Variants in ACOT1 observed in about 807,000 individuals in gnomAD.
The protein encoded by ACOT1 is acyl-coenzyme A thioesterase 1.
Under a neutral mutation model 15.7 loss-of-function variants are expected in ACOT1, and 8 were observed. The ratio of observed to expected loss-of-function variants is 0.51; its 90% confidence interval spans 0.30 to 0.92. ACOT1 has a LOEUF of 0.92. Ranked by LOEUF, ACOT1 falls within the 40% of genes least tolerant of loss-of-function variation. The pLI is 0.06. For missense variants in ACOT1, 151 were observed against 539.4 expected, an observed-to-expected ratio of 0.28 and a Z score of 7.13; for synonymous variants, 67 against 241.2, an observed-to-expected ratio of 0.28 and a Z score of 6.69.
chr14:73,522,915 G>A, the ACOT1 span: 2 of 1,614,200 alleles, frequency 1.2e-6, no homozygotes, highest in African/African-American at 1.3e-5. Context: ...AGGCCTCGCT[G>A]CCACACCACC....
In ACOT1 at chr14:73,538,211, C is replaced by G. The variant is rs1353356589; in HGVS notation, c.457+333C>G. On this transcript the variant is annotated intron_variant, in intron 1 of 2. Coordinates refer to ENST00000311148, the MANE Select transcript of ACOT1 (RefSeq NM_001037161.2). ...TACGGAGAAAGGATGTAGCTTCCAA[C>G]ATTCCGGAGGTTAGTGTAAGGAGAC... Among the ~76,000 whole-genome samples, 2 of 114,216 alleles carry G rather than the reference C, an allele frequency of 1.8e-5. 1 individual carries two copies. The highest frequency in any genetic ancestry group is 3.8e-5 in the Non-Finnish European group (2 of 52,586). The allele number at this position is 114,216 out of a possible 152,430, so 74.9% of individuals were successfully genotyped here.
At chr14:73,514,248 CA>C in the ACOT1 span, 1 of 1,611,568 alleles carries the variant, frequency 6.2e-7, no homozygotes, top group Non-Finnish European at 8.5e-7. Flanking sequence ...TGCAACGTGG[CA>C]GTGTGAGGTC....
At chr14:73,520,907 T>G in the ACOT1 span, 1 of 1,613,980 alleles carries the variant, frequency 6.2e-7, no homozygotes, top group Non-Finnish European at 8.5e-7. Flanking sequence ...ACTTTCCAGC[T>G]CGGGGAGTCA....
the ACOT1 span, chr14:73,509,365 A>G: frequency 1.2e-6 from 2 of 1,614,110 alleles, no homozygotes; most frequent in Non-Finnish European, 1.7e-6. Flanking sequence ...ATGTGACTGT[A>G]TGGCATATTG....
the ACOT1 span, chr14:73,506,546 A>C: frequency 1.9e-6 from 3 of 1,613,726 alleles, no homozygotes; most frequent in Non-Finnish European, 2.5e-6. Flanking sequence ...GTTCAGCTCC[A>C]CAGCAAGCAT....
At chr14:73,522,233 G>A in the ACOT1 span, 8 of 1,585,556 alleles carry the variant, frequency 5.0e-6, no homozygotes, top group African/African-American at 6.7e-5. Context: ...GGGGAGTCAG[G>A]GATTATCAAA....
the ACOT1 span, chr14:73,492,110 C>T: frequency 6.2e-7 from 1 of 1,613,924 alleles, no homozygotes; most frequent in South Asian, 1.1e-5. This position sits in a 1 kb window ranked among gnomAD's most constrained non-coding sequence, Gnocchi z 4.9. Flanking sequence ...ACCCCGAGTC[C>T]CAACCGAGGA....
At chr14:73,536,304 G>GA (rs555784262), upstream of ACOT1, among the ~76,000 whole-genome samples, 10,814 of 99,550 alleles carry the variant, frequency 0.11, 2,892 homozygotes, top group African/African-American at 0.27. Context: ...TAAGTTTGAT[G>GA]AAAAAAAAAA....
chr14:73,543,012 G>C lies in ACOT1; in HGVS notation c.661-38G>C, dbSNP rs760713349. The C allele has an allele frequency of 7.2e-6, 9 of 1,243,940 alleles. 3 individuals carry two copies. Among genetic ancestry groups the C allele is most frequent in the Admixed American group, 7.2e-5 (3 of 41,688 alleles). 77.1% of individuals were successfully genotyped at this position (1,243,940 alleles called of 1,614,324 possible). A position where few individuals can be genotyped will look rare whatever the true frequency, so the allele number is the denominator to read the frequency against. Reference sequence around the variant, plus strand: ...AACTCACCATATTCCACTGTTTGTGGAGCCATTCTTCTTCTTTTTCCTTTG... The same window carrying C: ...AACTCACCATATTCCACTGTTTGTGCAGCCATTCTTCTTCTTTTTCCTTTG... On this transcript the variant is annotated intron_variant, in intron 2 of 2. Transcript: ENST00000311148.
At chr14:73,491,783 G>T in the ACOT1 span, 1 of 1,580,502 alleles carries the variant, frequency 6.3e-7, no homozygotes. Context: ...CAACGAGGAG[G>T]TGCAGTTCGG....
the ACOT1 span, chr14:73,522,663 G>A: frequency 5.0e-6 from 8 of 1,614,128 alleles, no homozygotes; most frequent in East Asian, 8.9e-5. Flanking sequence ...TGATGGATGA[G>A]AGGGCGGGGT....
At chr14:73,512,097 G>T in the ACOT1 span, 1 of 1,614,124 alleles carries the variant, frequency 6.2e-7, no homozygotes, top group Non-Finnish European at 8.5e-7. Context: ...CATCATGCAG[G>T]TCTCCCAAGC....
chr14:73,523,407 G>A, the ACOT1 span, among the ~76,000 whole-genome samples: 8 of 152,178 alleles, frequency 5.3e-5, no homozygotes, highest in Admixed American at 3.9e-4. Context: ...TATCAGACCC[G>A]TGTTTTTGGT....
chr14:73,530,056 A>G, the ACOT1 span: 4 of 135,658 alleles, frequency 2.9e-5, no homozygotes, highest in Non-Finnish European at 6.4e-5. Flanking sequence ...CTTGCCTCCC[A>G]GGCTCAAGCA....
intron 1 of ACOT1, among the ~76,000 whole-genome samples, chr14:73,538,760 G>C (rs1228260074): frequency 8.8e-6 from 1 of 113,938 alleles, no homozygotes; most frequent in Non-Finnish European, 1.9e-5. Context: ...GGCGGATCAA[G>C]AGTTCGAGAC....
chr14:73,520,429 T>G, the ACOT1 span: 1 of 158,010 alleles, frequency 6.3e-6, no homozygotes, highest in Admixed American at 6.4e-5. Flanking sequence ...AAAAAAATAC[T>G]GAGCCAGGAT....
At chr14:73,510,358 G>T in the ACOT1 span, among the ~76,000 whole-genome samples, 1 of 152,044 alleles carries the variant, frequency 6.6e-6, no homozygotes, top group African/African-American at 2.4e-5. Context: ...GGCACCAGAA[G>T]AATATGGGAC....
rs534030995 is a variant in ACOT1, at chr14:73,542,978, G to T, written c.661-72G>T. 39 of 1,221,716 alleles carry T rather than the reference G, an allele frequency of 3.2e-5. 9 individuals carry two copies. The African/African-American group carries it at 6.2e-4, about 20-fold the overall frequency. The allele number at this position is 1,221,716 out of a possible 1,614,324, so 75.7% of individuals were successfully genotyped here. Reference sequence around the variant, plus strand: ...AGACTCAGGTTCAACTAACTTCCAGGGTGGGCACAACTCACCATATTCCAC... The same window carrying T: ...AGACTCAGGTTCAACTAACTTCCAGTGTGGGCACAACTCACCATATTCCAC... On this transcript the variant is annotated intron_variant, in intron 2 of 2. Coordinates refer to ENST00000311148, the MANE Select transcript of ACOT1 (RefSeq NM_001037161.2).
At chr14:73,499,638 C>T in the ACOT1 span, among the ~76,000 whole-genome samples, 1 of 152,122 alleles carries the variant, frequency 6.6e-6, no homozygotes, top group African/African-American at 2.4e-5. Context: ...AGTACATTAG[C>T]TGAATTATCT....
Sources: allele counts gnomAD v4.1 joint callset (sites outside exome capture counted in the v4.1 genomes callset), GRCh38; gene constraint gnomAD v4.1.1; non-coding constraint Gnocchi (gnomAD v3.1); transcripts MANE v1.5; gene names NCBI Gene and HGNC (gene_info 2026-07-23, HGNC 2026-07-21).